NELL2: variants seen among roughly 807,000 people sequenced by gnomAD.
NELL2 encodes neural EGFL like 2.
NELL2 carries 41 observed loss-of-function variants against 109.6 expected under a neutral mutation model. The observed-to-expected ratio is 0.37, with a 90% confidence interval of 0.29 to 0.49. The LOEUF (loss-of-function observed/expected upper bound fraction) is 0.49, where lower values mean the gene tolerates loss of function less well. Among genes scored for constraint, NELL2 ranks in the 20% least tolerant of loss-of-function variants. NELL2 has a pLI of 0.98. For missense variants in NELL2, 900 were observed against 1,008.3 expected (o/e 0.89, Z 1.45); for synonymous variants, 355 against 344.7 (o/e 1.03, Z -0.33).
intron 12 of NELL2, among the ~76,000 whole-genome samples, chr12:44,686,899 C>A (rs1948736109): frequency 6.6e-6 from 1 of 152,184 alleles, no homozygotes; most frequent in Non-Finnish European, 1.5e-5. Flanking sequence ...AGAGGTGGAG[C>A]CTACAGAGGC....
At chr12:44,521,312 C>T (rs1048564510) in intron 18 of NELL2, among the ~76,000 whole-genome samples, 2 of 152,080 alleles carry the variant, frequency 1.3e-5, no homozygotes, top group East Asian at 3.9e-4. Context: ...GGGCGGATCA[C>T]GAGGTCAGGA....
intron 15 of NELL2, among the ~76,000 whole-genome samples, chr12:44,533,401 T>C (rs1000624738): frequency 6.6e-6 from 1 of 152,144 alleles, no homozygotes; most frequent in African/African-American, 2.4e-5. Flanking sequence ...TCATACATAC[T>C]ACTTCGTTCA....
chr12:44,521,074 CT>C (rs1294968691), intron 18 of NELL2, among the ~76,000 whole-genome samples: 3 of 152,152 alleles, frequency 2.0e-5, no homozygotes, highest in African/African-American at 7.2e-5. Context: ...ACCAATTTTC[CT>C]TTTCATTTAC....
intron 16 of NELL2, among the ~76,000 whole-genome samples, chr12:44,527,986 C>T (rs536489750): frequency 1.4e-3 from 202 of 145,870 alleles, no homozygotes; most frequent in Non-Finnish European, 2.1e-3. Flanking sequence ...CCCAGCTACT[C>T]GGGAGGCTGA....
intron 3 of NELL2, among the ~76,000 whole-genome samples, chr12:44,792,632 A>T (rs1942476884): frequency 6.6e-6 from 1 of 152,212 alleles, no homozygotes; most frequent in Non-Finnish European, 1.5e-5. Context: ...AAGTGCACCT[A>T]TAAGTCAATA....
intron 11 of NELL2, among the ~76,000 whole-genome samples, chr12:44,708,937 A>G (rs922883251): frequency 2.2e-4 from 34 of 152,170 alleles, no homozygotes; most frequent in African/African-American, 8.0e-4. Flanking sequence ...CAATTTTACT[A>G]GCATTTTCCA....
intron 15 of NELL2, among the ~76,000 whole-genome samples, chr12:44,604,447 A>G (rs1335447950): frequency 6.6e-6 from 1 of 152,158 alleles, no homozygotes; most frequent in Admixed American, 6.5e-5. Flanking sequence ...AGCTTCAACT[A>G]ATATTCAGAA....
At chr12:44,509,269 G>A (rs1592044589) in intron 19 of NELL2, among the ~76,000 whole-genome samples, 1 of 152,248 alleles carries the variant, frequency 6.6e-6, no homozygotes, top group African/African-American at 2.4e-5. Context: ...GTCTATGTAA[G>A]CACTAAGTAT....
At chr12:44,810,748 G>A (rs961423549) in intron 3 of NELL2, among the ~76,000 whole-genome samples, 2 of 151,786 alleles carry the variant, frequency 1.3e-5, no homozygotes, top group African/African-American at 4.9e-5. Flanking sequence ...ATGCCTTAAT[G>A]ATAATAGTGG....
intron 9 of NELL2, among the ~76,000 whole-genome samples, chr12:44,763,733 A>G (rs1477965724): frequency 2.6e-5 from 4 of 152,192 alleles, no homozygotes; most frequent in African/African-American, 4.8e-5. Context: ...TACAGAGCAC[A>G]ATTCTACGAG....
At chr12:44,657,505 A>G (rs1160059616) in intron 13 of NELL2, among the ~76,000 whole-genome samples, 1 of 152,152 alleles carries the variant, frequency 6.6e-6, no homozygotes, top group Admixed American at 6.5e-5. Flanking sequence ...TTATACTTTA[A>G]GTTCTGGGAT....
rs1339996401 is a variant in NELL2, at chr12:44,577,491, T to TTTTTTC, written c.1663+29677_1663+29678insGAAAAA. Among the ~76,000 whole-genome samples the TTTTTTC allele has an allele frequency of 4.4e-5, 6 of 137,378 alleles. 2 individuals are homozygous for TTTTTTC. The highest frequency in any genetic ancestry group is 1.9e-4 in the African/African-American group (6 of 31,862). The allele number at this position is 137,378 out of a possible 152,430, so 90.1% of individuals were successfully genotyped here. On this transcript the variant is annotated intron_variant, in intron 15 of 19. Coordinates refer to ENST00000429094, the MANE Select transcript of NELL2 (RefSeq NM_001145108.2). ...TTTTTTTTTTTTTTTTTTTTTTTTT[T>TTTTTTC]TGAGATGGAGTCTTGCTCTGTCTCC... is the stretch of plus-strand genomic sequence containing the variant.
At chr12:44,751,796 A>T (rs374061417) in intron 9 of NELL2, among the ~76,000 whole-genome samples, 33 of 152,314 alleles carry the variant, frequency 2.2e-4, no homozygotes, top group African/African-American at 7.9e-4. Flanking sequence ...TAATTTTGCT[A>T]TAAAATTACA....
intron 12 of NELL2, among the ~76,000 whole-genome samples, chr12:44,682,265 T>G (rs1383821942): frequency 2.5e-4 from 38 of 150,856 alleles, no homozygotes; most frequent in East Asian, 9.6e-4. Context: ...TGATGGGGTT[T>G]TTTGTTTTTT....
chr12:44,825,902 C>T (rs2136708534), intron 2 of NELL2, among the ~76,000 whole-genome samples: 1 of 151,512 alleles, frequency 6.6e-6, no homozygotes, highest in Non-Finnish European at 1.5e-5. Context: ...ATTAGCCCAG[C>T]GTGGTGGTGC....
chr12:44,604,855 A>C (rs1221275619), intron 15 of NELL2, among the ~76,000 whole-genome samples: 1 of 152,126 alleles, frequency 6.6e-6, no homozygotes, highest in Non-Finnish European at 1.5e-5. Flanking sequence ...GCCAGAGACA[A>C]ACCTGAAAGT....
intron 9 of NELL2, among the ~76,000 whole-genome samples, chr12:44,728,128 C>G (rs1939177520): frequency 6.6e-6 from 1 of 151,860 alleles, no homozygotes; most frequent in Non-Finnish European, 1.5e-5. Flanking sequence ...AGACACTGAC[C>G]TAAAGAAACA....
intron 2 of NELL2, among the ~76,000 whole-genome samples, chr12:44,852,164 T>C (rs971208865): frequency 2.6e-5 from 4 of 152,218 alleles, no homozygotes; most frequent in Admixed American, 2.0e-4. Flanking sequence ...CTCTTTTTCT[T>C]TGAATGAAGA....
At chr12:44,712,555 A>G (rs1938262130) in intron 10 of NELL2, among the ~76,000 whole-genome samples, 1 of 152,170 alleles carries the variant, frequency 6.6e-6, no homozygotes, top group South Asian at 2.1e-4. Context: ...TCGAATTGAC[A>G]GCCCAGAAAA....
Sources: gnomAD v4.1 joint callset for allele counts (sites outside exome capture counted in the v4.1 genomes callset) on GRCh38, gnomAD v4.1.1 for gene constraint, MANE v1.5 for transcripts, NCBI Gene and HGNC (gene_info 2026-07-23, HGNC 2026-07-21) for gene names.